Variants in TUSC3 observed in about 807,000 individuals in gnomAD.
TUSC3 encodes tumor suppressor candidate 3, also known as dolichyl-diphosphooligosaccharide--protein glycosyltransferase subunit TUSC3.
TUSC3 carries 45 observed loss-of-function variants against 44.8 expected under a neutral mutation model. That is an observed-to-expected ratio of 1.00 (90% CI 0.79 to 1.29). The LOEUF (loss-of-function observed/expected upper bound fraction) is 1.29, where lower values mean the gene tolerates loss of function less well. Ranked by LOEUF, TUSC3 falls within the 50% of genes most tolerant of loss-of-function variation. The pLI is 0.00. For missense variants in TUSC3, 519 were observed against 437.9 expected, an observed-to-expected ratio of 1.19 and a Z score of -1.65; for synonymous variants, 212 against 152.9, an observed-to-expected ratio of 1.39 and a Z score of -2.85.
chr8:15,813,409 CCT>C, the TUSC3 span, among the ~76,000 whole-genome samples: 1 of 150,132 alleles, frequency 6.7e-6, no homozygotes, highest in Non-Finnish European at 1.5e-5. Context: ...AACAGGCACA[CCT>C]GTCTCTGCCA....
At chr8:15,437,717 A>G (rs1799967101) in intron 1 of TUSC3, among the ~76,000 whole-genome samples, 1 of 152,094 alleles carries the variant, frequency 6.6e-6, no homozygotes, top group Non-Finnish European at 1.5e-5. Flanking sequence ...TTCCAGCTGC[A>G]CCCTTTGGAA....
At chr8:15,624,414 A>G (rs997090506) in intron 2 of TUSC3, among the ~76,000 whole-genome samples, 3 of 152,186 alleles carry the variant, frequency 2.0e-5, no homozygotes, top group Non-Finnish European at 4.4e-5. Context: ...GAATGGCTGT[A>G]TCATTTCACA....
At chr8:15,843,913 G>A in the TUSC3 span, among the ~76,000 whole-genome samples, 26 of 152,140 alleles carry the variant, frequency 1.7e-4, no homozygotes, top group East Asian at 5.0e-3. Flanking sequence ...TCTACCTTAA[G>A]CTGTATTTGT....
rs6981488 is a variant in TUSC3, at chr8:15,514,968, A to T, written n.189+31485A>T. Among the ~76,000 whole-genome samples, 1,454 of 152,334 alleles carry T rather than the reference A, an allele frequency of 9.5e-3. 28 individuals are homozygous for T. The highest frequency in any genetic ancestry group is 0.034 in the African/African-American group (1,398 of 41,574). Reference sequence around the variant, plus strand: ...TGTAGGTTCAATGCCTGACATATAGAGAATACTCCATAAATGACAATAGTG... The same window carrying T: ...TGTAGGTTCAATGCCTGACATATAGTGAATACTCCATAAATGACAATAGTG... On this transcript the variant is annotated intron_variant and non_coding_transcript_variant, in intron 2 of 5. Coordinates refer to the TUSC3 transcript ENST00000503191.
At chr8:15,518,140 C>A (rs1485667433) in intron 2 of TUSC3, among the ~76,000 whole-genome samples, 1 of 152,056 alleles carries the variant, frequency 6.6e-6, no homozygotes, top group African/African-American at 2.4e-5. Flanking sequence ...GGCTTTTGTA[C>A]TTGGCTTGTT....
chr8:15,538,807 A>G (rs1801574866), upstream of TUSC3, among the ~76,000 whole-genome samples: 1 of 151,862 alleles, frequency 6.6e-6, no homozygotes, highest in African/African-American at 2.4e-5. Flanking sequence ...TTGAACAATT[A>G]TACGTATATA....
At chr8:15,570,955 T>G (rs1485444596) in intron 1 of TUSC3, among the ~76,000 whole-genome samples, 2 of 67,888 alleles carry the variant, frequency 2.9e-5, no homozygotes. Context: ...TGCCTATTAG[T>G]TTTTTTTTTT....
chr8:15,834,028 T>C, the TUSC3 span, among the ~76,000 whole-genome samples: 27,233 of 151,930 alleles, frequency 0.18, 2,582 homozygotes, highest in Admixed American at 0.29. Context: ...AATTTGTCTA[T>C]CATACTATTT....
At chr8:15,662,959 G>A (rs548452549) in intron 5 of TUSC3, among the ~76,000 whole-genome samples, 2 of 151,972 alleles carry the variant, frequency 1.3e-5, no homozygotes, top group African/African-American at 4.8e-5. Context: ...TTCAACATAA[G>A]TGAAGCCTGG....
At chr8:15,665,692 A>G (rs1807625211) in intron 5 of TUSC3, among the ~76,000 whole-genome samples, 1 of 151,322 alleles carries the variant, frequency 6.6e-6, no homozygotes, top group African/African-American at 2.4e-5. Flanking sequence ...AGTGAGATTA[A>G]ATTTGCAGTA....
rs376901237 is a variant in TUSC3, at chr8:15,679,875, G to A, written c.798+6039G>A. Among the ~76,000 whole-genome samples, 26 of 152,202 alleles carry A rather than the reference G, an allele frequency of 1.7e-4. No homozygotes were observed. In the East Asian group the frequency reaches 3.9e-3, roughly 23 times the overall value. On this transcript the variant is annotated intron_variant, in intron 6 of 10. Coordinates refer to ENST00000503731, the MANE Select transcript of TUSC3 (RefSeq NM_006765.4). Reference sequence around the variant, plus strand: ...ATTCCCCATTGTTTGTGTAGACTTTGTCAAAGATCAGGTGGTTGTAGATGT... The same window carrying A: ...ATTCCCCATTGTTTGTGTAGACTTTATCAAAGATCAGGTGGTTGTAGATGT...
chr8:15,800,019 A>G, the TUSC3 span, among the ~76,000 whole-genome samples: 81 of 152,140 alleles, frequency 5.3e-4, no homozygotes, highest in Non-Finnish European at 1.0e-3. Context: ...GGGAACCCCA[A>G]TTGTTTATAA....
rs552113438 is a variant in TUSC3 at position 15,455,771 on chromosome 8, G to C, written n.92-27615G>C. ...TAATTATTCCTGGCCTTAGGCCAAG[G>C]TAACTACGGGAGATACTTACGTTTT... On this transcript the variant is annotated intron_variant and non_coding_transcript_variant, in intron 1 of 5. Coordinates refer to the TUSC3 transcript ENST00000503191. 1.5e-4 allele frequency among the ~76,000 whole-genome samples: 23 copies of C among 152,204 alleles called. 1 individual carries two copies. Among genetic ancestry groups the C allele is most frequent in the African/African-American group, 5.3e-4 (22 of 41,534 alleles).
At chr8:15,815,933 G>A in the TUSC3 span, among the ~76,000 whole-genome samples, 2 of 152,178 alleles carry the variant, frequency 1.3e-5, no homozygotes, top group African/African-American at 4.8e-5. Flanking sequence ...AAGTGCCAAC[G>A]AGGGCCCATA....
intron 2 of TUSC3, among the ~76,000 whole-genome samples, chr8:15,496,902 A>T (rs1206859041): frequency 7.1e-6 from 1 of 141,724 alleles, no homozygotes; most frequent in Non-Finnish European, 1.6e-5. Flanking sequence ...AAATAAAAAG[A>T]TGAATTTATT....
At chr8:15,822,454 G>T in the TUSC3 span, among the ~76,000 whole-genome samples, 8 of 152,272 alleles carry the variant, frequency 5.3e-5, no homozygotes, top group Admixed American at 2.0e-4. Flanking sequence ...AAAACTGATT[G>T]TTGAGCACTT....
chr8:15,638,565 C>T (rs1476310177), intron 2 of TUSC3, among the ~76,000 whole-genome samples: 1 of 124,922 alleles, frequency 8.0e-6, no homozygotes, highest in African/African-American at 3.1e-5. Flanking sequence ...ACTCTGTTGC[C>T]CATGCTGGAG....
At chr8:15,737,144 T>A (rs1422348769) in intron 7 of TUSC3, among the ~76,000 whole-genome samples, 11 of 152,262 alleles carry the variant, frequency 7.2e-5, no homozygotes, top group Non-Finnish European at 2.9e-5. Flanking sequence ...AAACATTCCT[T>A]TTAATGTGTT....
At chr8:15,807,043 C>A in the TUSC3 span, 8 of 1,421,262 alleles carry the variant, frequency 5.6e-6, no homozygotes, top group Non-Finnish European at 7.9e-6. Flanking sequence ...TCCTGGTTAT[C>A]GGCGATGTGA....
Sources: allele counts gnomAD v4.1 joint callset (sites outside exome capture counted in the v4.1 genomes callset), GRCh38; gene constraint gnomAD v4.1.1; transcripts MANE v1.5; gene names NCBI Gene and HGNC (gene_info 2026-07-23, HGNC 2026-07-21).